TMEM135: variants seen among roughly 807,000 people sequenced by gnomAD.
TMEM135 encodes transmembrane protein 135.
TMEM135 carries 30 observed loss-of-function variants against 60.3 expected under a neutral mutation model. The observed-to-expected ratio is 0.50, with a 90% CI of 0.37 to 0.68. The LOEUF is 0.68. Ranked by LOEUF, TMEM135 falls within the 30% of genes least tolerant of loss-of-function variation. TMEM135 has a pLI of 0.00. For missense variants in TMEM135, 468 were observed against 548.8 expected (o/e 0.85, Z 1.47); for synonymous variants, 190 against 186.7 (o/e 1.02, Z -0.14).
intron 5 of TMEM135, among the ~76,000 whole-genome samples, chr11:87,159,594 C>CGCACACAT (rs1565466378): frequency 1.4e-5 from 1 of 70,398 alleles, no homozygotes; most frequent in Non-Finnish European, 2.8e-5. Context: ...CACACACGCG[C>CGCACACAT]ACACACACAC....
intron 7 of TMEM135, among the ~76,000 whole-genome samples, chr11:87,297,832 A>T (rs1942372266): frequency 6.6e-6 from 1 of 152,214 alleles, no homozygotes; most frequent in Admixed American, 6.5e-5. Flanking sequence ...CACTAAGCAA[A>T]TTCAGTTTCG....
chr11:87,065,890 C>G (rs188117147), intron 1 of TMEM135, among the ~76,000 whole-genome samples: 3 of 152,224 alleles, frequency 2.0e-5, no homozygotes, highest in African/African-American at 4.8e-5. Context: ...TTCTTTTAAC[C>G]TATCATTTAC....
At chr11:87,202,010 G>GT (rs1402965498) in intron 5 of TMEM135, among the ~76,000 whole-genome samples, 951 of 43,208 alleles carry the variant, frequency 0.022, 23 homozygotes, top group East Asian at 0.13. Context: ...GTTATGTTAT[G>GT]TAATGTTATG....
chr11:87,102,544 CT>C (rs1220003945), intron 4 of TMEM135, among the ~76,000 whole-genome samples: 1 of 151,888 alleles, frequency 6.6e-6, no homozygotes, highest in Non-Finnish European at 1.5e-5. Flanking sequence ...TAAACATATA[CT>C]TTTCCGTATG....
intron 8 of TMEM135, among the ~76,000 whole-genome samples, chr11:87,303,147 A>AC (rs988260518): frequency 6.6e-6 from 1 of 152,156 alleles, no homozygotes; most frequent in Non-Finnish European, 1.5e-5. Flanking sequence ...ACCTGGCCAC[A>AC]CAGCAGGAGG....
chr11:87,167,275 T>C (rs1230176549), intron 5 of TMEM135, among the ~76,000 whole-genome samples: 2 of 152,190 alleles, frequency 1.3e-5, no homozygotes, highest in Non-Finnish European at 1.5e-5. Context: ...ACTTCCTCTC[T>C]TCCTATTTGA....
chr11:87,145,407 C>T (rs1938386950), intron 4 of TMEM135, among the ~76,000 whole-genome samples: 1 of 152,156 alleles, frequency 6.6e-6, no homozygotes, highest in South Asian at 2.1e-4. Flanking sequence ...GCAGACATCT[C>T]TTCAACAAAC....
chr11:87,270,734 C>A (rs1029603271), intron 6 of TMEM135, among the ~76,000 whole-genome samples: 8 of 152,108 alleles, frequency 5.3e-5, no homozygotes, highest in African/African-American at 1.9e-4. Flanking sequence ...TTGATCATGA[C>A]ATCAAGTTTC....
At chr11:87,083,655 T>A (rs891147013) in intron 3 of TMEM135, among the ~76,000 whole-genome samples, 2 of 152,204 alleles carry the variant, frequency 1.3e-5, no homozygotes, top group African/African-American at 4.8e-5. Context: ...ATTGGCATGT[T>A]AACTTCACCA....
At chr11:87,225,413 G>A (rs910228749) in intron 5 of TMEM135, among the ~76,000 whole-genome samples, 2 of 151,874 alleles carry the variant, frequency 1.3e-5, no homozygotes, top group African/African-American at 4.8e-5. Context: ...TGCAATTTAT[G>A]AAGTTATTAC....
chr11:87,319,666 T>C (rs1330434686), intron 14 of TMEM135, among the ~76,000 whole-genome samples: 1 of 152,176 alleles, frequency 6.6e-6, no homozygotes, highest in African/African-American at 2.4e-5. Flanking sequence ...CCATTTCTTT[T>C]TGATTAAAAA....
intron 4 of TMEM135, among the ~76,000 whole-genome samples, chr11:87,140,122 C>T (rs975712400): frequency 6.6e-6 from 1 of 151,994 alleles, no homozygotes. Flanking sequence ...GGCTGCAGTG[C>T]AATGGTGTGA....
At chr11:87,055,313 A>G (rs13377595) in intron 1 of TMEM135, among the ~76,000 whole-genome samples, 1 of 152,100 alleles carries the variant, frequency 6.6e-6, no homozygotes, top group Non-Finnish European at 1.5e-5. Context: ...TTATTTGACA[A>G]TTTCACAAAT....
At chr11:87,075,904 C>CAA (rs72116042) in intron 3 of TMEM135, among the ~76,000 whole-genome samples, 61,808 of 150,272 alleles carry the variant, frequency 0.41, 13,728 homozygotes, top group East Asian at 0.65. Flanking sequence ...CTCTCTCTCT[C>CAA]TGTGTGCTGA....
In TMEM135 at chr11:87,324,471, G is replaced by C. The variant is rs1352267988; in HGVS notation, c.*3138G>C. 7 of 453,810 alleles carry C rather than the reference G, an allele frequency of 1.5e-5. No individual in the cohort carries two copies. The highest frequency in any genetic ancestry group is 3.1e-5 in the Non-Finnish European group (7 of 226,756). 28.1% of individuals were successfully genotyped at this position (453,810 alleles called of 1,614,324 possible). A position where few individuals can be genotyped will look rare whatever the true frequency, so the allele number is the denominator to read the frequency against. ...AGGTCTAGCTCTGTTGCCCGGGTTG[G>C]AGTACAGTGGTGCAATCATAGCTCA... On this transcript the variant is annotated 3_prime_UTR_variant, in exon 15 of 15. Coordinates refer to ENST00000305494, the MANE Select transcript of TMEM135 (RefSeq NM_022918.4).
At chr11:87,108,875 A>G (rs1178797336) in intron 4 of TMEM135, among the ~76,000 whole-genome samples, 1 of 152,226 alleles carries the variant, frequency 6.6e-6, no homozygotes, top group Non-Finnish European at 1.5e-5. Flanking sequence ...TTCGATAAGC[A>G]TATTGTGCTA....
chr11:87,082,148 A>G (rs1319675545), intron 3 of TMEM135, among the ~76,000 whole-genome samples: 1 of 152,188 alleles, frequency 6.6e-6, no homozygotes, highest in East Asian at 1.9e-4. Flanking sequence ...TAAGAAAAAA[A>G]TCAGGTTTTG....
In TMEM135 at chr11:87,183,955, CAAAA is replaced by C. The variant is rs71040297; in HGVS notation, c.462+26570_462+26573del. On this transcript the variant is annotated intron_variant, in intron 5 of 14. Coordinates refer to ENST00000305494, the MANE Select transcript of TMEM135 (RefSeq NM_022918.4). ...TGGGCAACAGAGCCAGACTTCGTCG[CAAAA>C]AAAAAAAAAAAAAAAAAAAATCCGA... Among the ~76,000 whole-genome samples, 112 of 80,096 alleles carry C rather than the reference CAAAA, an allele frequency of 1.4e-3. No individual in the cohort carries two copies. In the East Asian group the frequency reaches 0.032, roughly 23 times the overall value. The allele number at this position is 80,096 out of a possible 152,430, so 52.5% of individuals were successfully genotyped here. A position where few individuals can be genotyped will look rare whatever the true frequency, so the allele number is the denominator to read the frequency against.
chr11:87,247,794 T>C (rs610972), intron 6 of TMEM135, among the ~76,000 whole-genome samples: 99,796 of 151,542 alleles, frequency 0.66, 33,422 homozygotes, highest in Non-Finnish European at 0.71. Context: ...AACTCCCTGA[T>C]CCCTTGTGCT....
Sources: gnomAD v4.1 joint callset for allele counts (sites outside exome capture counted in the v4.1 genomes callset) on GRCh38, gnomAD v4.1.1 for gene constraint, MANE v1.5 for transcripts, NCBI Gene and HGNC (gene_info 2026-07-23, HGNC 2026-07-21) for gene names.